The following AARS1 variants were observed in gnomAD, a reference collection of about 807,000 sequenced individuals.
AARS1 encodes the protein alanine--tRNA ligase, cytoplasmic.
In AARS1, 72 loss-of-function variants were observed where a neutral mutation model predicts 108.9. The ratio of observed to expected loss-of-function variants is 0.66; its 90% confidence interval spans 0.55 to 0.80. The LOEUF is 0.80. Ranked by LOEUF, AARS1 falls within the 30% of genes least tolerant of loss-of-function variation. The pLI is 0.00. For synonymous variants in AARS1, 489 were observed against 465.7 expected (o/e 1.05, Z -0.64); for missense variants, 1,193 against 1,233.2 (o/e 0.97, Z 0.49).
Position 70,277,100 on chromosome 16 carries a change from T to C in AARS1, c.199A>G (p.Ser67Gly). The change falls in exon 3 of 21, where the codon AGC becomes GGC. Residue 67 changes from serine to glycine, a missense_variant. Physicochemically the swap from Ser to Gly is moderately conservative, Grantham distance 56. Transcript: ENST00000261772. Reference sequence around the variant, plus strand: ...CACTTCTGGGTATTGGCAGCTCTGCTCAGCTTTGCCATGGGGTGAGATGGG... The same window carrying C: ...CACTTCTGGGTATTGGCAGCTCTGCCCAGCTTTGCCATGGGGTGAGATGGG... ...IDPSHPMAKL[S>G]RAANTQKCIR... 6.2e-7 allele frequency: 1 copy of C among 1,614,192 alleles called. No homozygotes were observed. Among genetic ancestry groups the C allele is most frequent in the Non-Finnish European group, 8.5e-7 (1 of 1,180,028 alleles).
intron 12 of AARS1, among the ~76,000 whole-genome samples, chr16:70,261,861 G>GT (rs1343196363): frequency 6.6e-6 from 1 of 151,808 alleles, no homozygotes; most frequent in East Asian, 2.0e-4. Context: ...TAGAGACAGG[G>GT]TTTCACCATG....
At position 70,259,544 on chromosome 16, in the gene AARS1, G is replaced by A. The variant is rs115134263; in HGVS notation, c.1786-358C>T. Among the ~76,000 whole-genome samples, 148 of 152,202 alleles carry A rather than the reference G, an allele frequency of 9.7e-4. 1 individual carries two copies. Among genetic ancestry groups the A allele is most frequent in the African/African-American group, 3.4e-3 (141 of 41,518 alleles). On this transcript the variant is annotated intron_variant, in intron 13 of 20. Coordinates refer to ENST00000261772, the MANE Select transcript of AARS1 (RefSeq NM_001605.3). ...GTCACCCAGGATAGAGTACAGCGGC[G>A]CGATTGTAGCTCAGTGCCACCTCAA...
intron 5 of AARS1, 147 bp from the exon 6 acceptor site, chr16:70,270,487 G>T: frequency 1.0e-6 from 1 of 960,996 alleles, no homozygotes; most frequent in East Asian, 2.5e-5. Flanking sequence ...GGGAAGTGGA[G>T]GGAGAAAGGA....
chr16:70,260,236 T>G (rs1474209921), intron 13 of AARS1, among the ~76,000 whole-genome samples: 1 of 152,220 alleles, frequency 6.6e-6, no homozygotes, highest in Non-Finnish European at 1.5e-5. Flanking sequence ...TGCCAACCCC[T>G]GGCCTAGACA....
chr16:70,271,958 T>C lies in AARS1; in HGVS notation c.494A>G (p.Lys165Arg), dbSNP rs752055593. 6.2e-7 allele frequency: 1 copy of C among 1,614,000 alleles called. No individual in the cohort carries two copies. Among genetic ancestry groups the C allele is most frequent in the South Asian group, 1.1e-5 (1 of 91,070 alleles). ...ATCCTTCATGTTGCCTGGGAGGATT[T>C]TGGTGTCATCCAGCCTGACAAAGGA... ...IWQNLGLDDT[K>R]ILPGNMKDNF... Residue 165 changes from lysine (K) to arginine (R), a missense_variant, in exon 5 of 21, where the codon AAA (lysine) becomes AGA (arginine). Coordinates refer to ENST00000261772, the MANE Select transcript of AARS1 (RefSeq NM_001605.3).
At chr16:70,271,488 A>G (rs1231667343) in intron 5 of AARS1, among the ~76,000 whole-genome samples, 1 of 151,586 alleles carries the variant, frequency 6.6e-6, no homozygotes, top group Non-Finnish European at 1.5e-5. Flanking sequence ...AGATCACACC[A>G]TTGCACTCCA....
At position 70,269,715 on chromosome 16, in the gene AARS1, C is replaced by T. The variant is rs764718265; in HGVS notation, c.865G>A (p.Asp289Asn). 64 of 1,614,132 alleles carry T rather than the reference C, an allele frequency of 4.0e-5. No individual in the cohort carries two copies. In the East Asian group the frequency reaches 1.2e-3, roughly 31 times the overall value. Reference protein sequence around the residue: ...YTGKVGAEDADGIDMAYRVLA... With the variant: ...YTGKVGAEDANGIDMAYRVLA... Reference sequence around the variant, plus strand: ...ACCCGGTAGGCCATGTCAATCCCATCGGCATCCTCAGCACCAACTTTCCCA... The same window carrying T: ...ACCCGGTAGGCCATGTCAATCCCATTGGCATCCTCAGCACCAACTTTCCCA... Residue 289 changes from aspartate to asparagine, a missense_variant, in exon 7 of 21, where the codon GAT (aspartate) becomes AAT (asparagine). By Grantham distance (23) the Asp-to-Asn change is conservative. Transcript: ENST00000261772.
chr16:70,262,946 T>C (rs1318262428), intron 11 of AARS1, among the ~76,000 whole-genome samples: 1 of 89,804 alleles, frequency 1.1e-5, no homozygotes, highest in Non-Finnish European at 2.0e-5. Context: ...CCAGCCTGGG[T>C]GACAAAGCAA....
intron 5 of AARS1, among the ~76,000 whole-genome samples, chr16:70,271,362 C>T (rs1266744799): frequency 6.6e-6 from 1 of 151,518 alleles, no homozygotes; most frequent in Non-Finnish European, 1.5e-5. Context: ...AACCCCGTCT[C>T]CACTAAAAAT....
intron 4 of AARS1, among the ~76,000 whole-genome samples, chr16:70,275,619 C>T (rs865791428): frequency 2.4e-4 from 37 of 151,868 alleles, no homozygotes; most frequent in South Asian, 1.0e-3. Context: ...AAAAATTAGC[C>T]GGGCGTGGTG....
chr16:70,273,898 C>G (rs1960472860), intron 4 of AARS1, among the ~76,000 whole-genome samples: 1 of 145,154 alleles, frequency 6.9e-6, no homozygotes, highest in Non-Finnish European at 1.5e-5. Flanking sequence ...ATTAGCCAGG[C>G]AGGTGGCGAA....
intron 10 of AARS1, 41 bp downstream of exon 10, chr16:70,265,497 G>A: frequency 6.2e-7 from 1 of 1,612,902 alleles, no homozygotes; most frequent in Non-Finnish European, 8.5e-7. Context: ...GTGCTGGGTT[G>A]GAAGGTGTTG....
At chr16:70,279,046 C>T (rs1471846572) in intron 2 of AARS1, among the ~76,000 whole-genome samples, 1 of 152,126 alleles carries the variant, frequency 6.6e-6, no homozygotes, top group Non-Finnish European at 1.5e-5. Context: ...CTGACAGCTA[C>T]TGTCAATAAG....
At chr16:70,271,443 G>A (rs779332493) in intron 5 of AARS1, among the ~76,000 whole-genome samples, 1 of 151,514 alleles carries the variant, frequency 6.6e-6, no homozygotes, top group Non-Finnish European at 1.5e-5. Flanking sequence ...CAGGAGAATC[G>A]CTTGAACCCA....
intron 1 of AARS1, among the ~76,000 whole-genome samples, chr16:70,287,210 G>C (rs1283825058): frequency 7.9e-6 from 1 of 126,750 alleles, no homozygotes; most frequent in Non-Finnish European, 1.6e-5. Context: ...AGCCGAGATC[G>C]CGCCACTGCA....
chr16:70,273,060 A>G (rs1471864272), intron 4 of AARS1, among the ~76,000 whole-genome samples: 1 of 152,188 alleles, frequency 6.6e-6, no homozygotes, highest in Non-Finnish European at 1.5e-5. Flanking sequence ...TCACTACCCA[A>G]AATTCCAACT....
Position 70,279,670 on chromosome 16 carries a change from C to CA in AARS1, c.145-2517dup, listed in dbSNP as rs367753826. On this transcript the variant is annotated intron_variant, in intron 2 of 20. Coordinates refer to ENST00000261772, the MANE Select transcript of AARS1 (RefSeq NM_001605.3). ...AGCAAAACTCTGTCTCAAAAAAAAA[C>CA]AAAAAAAAAAAAAAAAAGAAAAGTT... 6.6e-3 allele frequency among the ~76,000 whole-genome samples: 753 copies of CA among 114,550 alleles called. 6 individuals are homozygous for CA. The highest frequency in any genetic ancestry group is 0.01 in the South Asian group (35 of 3,344). 75.1% of individuals were successfully genotyped at this position (114,550 alleles called of 152,430 possible).
chr16:70,258,642 T>TGC (rs745932858), intron 14 of AARS1, among the ~76,000 whole-genome samples: 2 of 152,084 alleles, frequency 1.3e-5, no homozygotes, highest in Non-Finnish European at 2.9e-5. Flanking sequence ...CTCGGCTCAC[T>TGC]GCAAGCTCCA....
At chr16:70,261,023 G>C (rs1567604007) in intron 13 of AARS1, 21 bp downstream of exon 13, 2 of 1,562,538 alleles carry the variant, frequency 1.3e-6, no homozygotes, top group Non-Finnish European at 8.8e-7. Flanking sequence ...ATCCAATGGG[G>C]GCCACAGTAA....
Sources: gnomAD v4.1 joint callset for allele counts (sites outside exome capture counted in the v4.1 genomes callset) on GRCh38, gnomAD v4.1.1 for gene constraint, MANE v1.5 for transcripts, NCBI Gene and HGNC (gene_info 2026-07-23, HGNC 2026-07-21) for gene names.